The following AGMO variants were observed in gnomAD, a reference collection of about 807,000 sequenced individuals.
The protein encoded by AGMO is glyceryl-ether monooxygenase.
In AGMO, 75 loss-of-function variants were observed where a neutral mutation model predicts 60.2. The ratio of observed to expected loss-of-function variants is 1.25; its 90% CI spans 1.03 to 1.51. The LOEUF is 1.51. Ranked by LOEUF, AGMO falls within the 40% of genes most tolerant of loss-of-function variation. The pLI is 0.00. For synonymous variants in AGMO, 261 were observed against 177.1 expected (o/e 1.47, Z -3.76); for missense variants, 763 against 525.5 (o/e 1.45, Z -4.42).
chr7:15,149,209 G>T, the AGMO span, among the ~76,000 whole-genome samples: 3 of 152,014 alleles, frequency 2.0e-5, no homozygotes, highest in African/African-American at 7.2e-5. Context: ...ATATATTCTG[G>T]ATAGTGGACC....
At chr7:15,534,154 T>C (rs1451542017) in intron 3 of AGMO, among the ~76,000 whole-genome samples, 1 of 152,030 alleles carries the variant, frequency 6.6e-6, no homozygotes, top group African/African-American at 2.4e-5. Flanking sequence ...AGCAATTTTT[T>C]TCAAGTCATT....
the AGMO span, among the ~76,000 whole-genome samples, chr7:15,132,276 C>G: frequency 6.6e-6 from 1 of 152,090 alleles, no homozygotes; most frequent in African/African-American, 2.4e-5. Context: ...AAATGAAATA[C>G]TTCAATATTT....
At chr7:15,243,321 T>A (rs1782647183) in intron 12 of AGMO, among the ~76,000 whole-genome samples, 1 of 152,100 alleles carries the variant, frequency 6.6e-6, no homozygotes, top group African/African-American at 2.4e-5. Context: ...CTATTCTGTA[T>A]CTGTAGACCC....
At position 15,322,626 on chromosome 7, in the gene AGMO, A is replaced by G. The variant is rs1403088818; in HGVS notation, c.1263+42888T>C. 1.2e-3 allele frequency among the ~76,000 whole-genome samples: 90 copies of G among 73,534 alleles called. 21 individuals carry two copies. Among genetic ancestry groups the G allele is most frequent in the African/African-American group, 5.4e-3 (74 of 13,728 alleles). 48.2% of individuals were successfully genotyped at this position (73,534 alleles called of 152,430 possible). A position where few individuals can be genotyped will look rare whatever the true frequency, so the allele number is the denominator to read the frequency against. On this transcript the variant is annotated intron_variant, in intron 12 of 12. Transcript: ENST00000342526. ...TAAATATATATAAATATATAAATAT[A>G]TATAAATATATATAAATATATAAAT...
chr7:15,309,289 C>T (rs1780699850), intron 12 of AGMO, among the ~76,000 whole-genome samples: 1 of 152,002 alleles, frequency 6.6e-6, no homozygotes, highest in African/African-American at 2.4e-5. Context: ...ATTTTTTTTC[C>T]ATAGGAGTAC....
intron 3 of AGMO, among the ~76,000 whole-genome samples, chr7:15,459,469 C>T (rs1435014762): frequency 6.6e-6 from 1 of 152,066 alleles, no homozygotes; most frequent in Non-Finnish European, 1.5e-5. Context: ...ATTTCCTGCC[C>T]TCTCCCCAGG....
chr7:15,476,842 C>T lies in AGMO; in HGVS notation c.410-45734G>A, dbSNP rs967674622. Among the ~76,000 whole-genome samples the T allele has an allele frequency of 4.6e-5, 7 of 152,024 alleles. No homozygotes were observed. In the South Asian group the frequency reaches 1.2e-3, roughly 27 times the overall value. ...CAGAATTTAATTCAGCCCTCTGAGG[C>T]TAATTTTATTATTTTATGGATGAGG... is the stretch of plus-strand genomic sequence containing the variant. On this transcript the variant is annotated intron_variant, in intron 3 of 12. Coordinates refer to ENST00000342526, the MANE Select transcript of AGMO (RefSeq NM_001004320.2).
In AGMO at chr7:15,319,392, G is replaced by C. The variant is rs187589077; in HGVS notation, c.1263+46122C>G. Among the ~76,000 whole-genome samples the C allele has an allele frequency of 3.5e-3, 538 of 152,214 alleles. 1 individual carries two copies. Among genetic ancestry groups the C allele is most frequent in the African/African-American group, 0.012 (497 of 41,540 alleles). ...AAAATCAGTCTAAAGTCTTTCAAAA[G>C]AGAGGCCCTCATAAAACAACCCTGA... On this transcript the variant is annotated intron_variant, in intron 12 of 12. Transcript: ENST00000342526.
intron 12 of AGMO, among the ~76,000 whole-genome samples, chr7:15,222,316 C>T (rs1781947205): frequency 6.6e-6 from 1 of 151,956 alleles, no homozygotes; most frequent in Non-Finnish European, 1.5e-5. Flanking sequence ...GTAGCCTCAA[C>T]TTTTGATTTT....
chr7:15,411,584 A>C (rs987533165), intron 5 of AGMO, among the ~76,000 whole-genome samples: 1 of 152,082 alleles, frequency 6.6e-6, no homozygotes, highest in African/African-American at 2.4e-5. Flanking sequence ...TTTTATAATC[A>C]TAGTATATGA....
At chr7:15,471,658 T>A (rs1023550747) in intron 3 of AGMO, among the ~76,000 whole-genome samples, 2 of 151,916 alleles carry the variant, frequency 1.3e-5, no homozygotes, top group Non-Finnish European at 1.5e-5. Flanking sequence ...AACATATGAC[T>A]GTTTCCAGGC....
chr7:15,418,372 C>T (rs1460761850), intron 5 of AGMO, among the ~76,000 whole-genome samples, 186 bp downstream of exon 5: 1 of 151,926 alleles, frequency 6.6e-6, no homozygotes, highest in Non-Finnish European at 1.5e-5. Flanking sequence ...ACCAACTGGC[C>T]TCATTGCTTC....
intron 3 of AGMO, among the ~76,000 whole-genome samples, chr7:15,543,053 C>A (rs1223190852): frequency 6.6e-6 from 1 of 152,140 alleles, no homozygotes; most frequent in Non-Finnish European, 1.5e-5. Flanking sequence ...ACACTCACTC[C>A]TACACAGAGA....
chr7:15,376,809 A>G (rs529508734), intron 10 of AGMO, among the ~76,000 whole-genome samples: 23 of 152,078 alleles, frequency 1.5e-4, no homozygotes, highest in Non-Finnish European at 3.2e-4. Flanking sequence ...GGATTACTAA[A>G]CCAAAATCAA....
chr7:15,500,216 G>A (rs1039259135), intron 3 of AGMO, among the ~76,000 whole-genome samples: 1 of 151,796 alleles, frequency 6.6e-6, no homozygotes, highest in Admixed American at 6.6e-5. Context: ...TGACATACTA[G>A]AGAAGTCTTA....
At chr7:15,188,449 C>A in the AGMO span, among the ~76,000 whole-genome samples, 2 of 152,110 alleles carry the variant, frequency 1.3e-5, no homozygotes, top group African/African-American at 4.8e-5. Context: ...AGTAATATGT[C>A]CATTACCATA....
At chr7:15,375,050 C>T (rs1470998926) in intron 10 of AGMO, among the ~76,000 whole-genome samples, 2 of 152,036 alleles carry the variant, frequency 1.3e-5, no homozygotes, top group Non-Finnish European at 2.9e-5. Context: ...AAGTAGAGAA[C>T]ACCAAAGGGT....
chr7:15,172,564 C>T, the AGMO span, among the ~76,000 whole-genome samples: 4 of 152,094 alleles, frequency 2.6e-5, no homozygotes, highest in East Asian at 1.9e-4. Context: ...ATATTTATTG[C>T]GATGTTCCCT....
rs1034912830 is a variant in AGMO, at chr7:15,443,452, A to T, written c.410-12344T>A. The stretch of plus-strand genomic sequence containing the variant: ...TTCTTGTTTCAATACTTTGACTATT[A>T]TACCTTTAATCATTCCCCTCCTAAC... On this transcript the variant is annotated intron_variant, in intron 3 of 12. Transcript: ENST00000342526. Among the ~76,000 whole-genome samples the T allele has an allele frequency of 2.0e-5, 3 of 152,296 alleles. No individual in the cohort carries two copies. The East Asian group carries it at 5.8e-4, about 29-fold the overall frequency.
Sources: gnomAD v4.1 joint callset for allele counts (sites outside exome capture counted in the v4.1 genomes callset) on GRCh38, gnomAD v4.1.1 for gene constraint, MANE v1.5 for transcripts, NCBI Gene and HGNC (gene_info 2026-07-23, HGNC 2026-07-21) for gene names.